Variants in ADAM19 observed in about 807,000 individuals in gnomAD.
ADAM19 encodes ADAM metallopeptidase domain 19, also known as disintegrin and metalloproteinase domain-containing protein 19.
In ADAM19, 65 loss-of-function variants were observed where a neutral mutation model predicts 114.7. The observed-to-expected ratio is 0.57, with a 90% CI of 0.46 to 0.70. The LOEUF (loss-of-function observed/expected upper bound fraction) is 0.70. Among genes scored for constraint, ADAM19 ranks in the 30% least tolerant of loss-of-function variants. ADAM19 has a pLI of 0.00. For missense variants in ADAM19, 1,063 were observed against 1,204.7 expected, an observed-to-expected ratio of 0.88 and a Z score of 1.74; for synonymous variants, 466 against 460.5, an observed-to-expected ratio of 1.01 and a Z score of -0.15.
Position 157,529,649 on chromosome 5 carries a change from C to A in ADAM19, c.407+1158G>T, listed in dbSNP as rs192603620. Among the ~76,000 whole-genome samples, 12 of 152,308 alleles carry A rather than the reference C, an allele frequency of 7.9e-5. No individual in the cohort carries two copies. In the East Asian group the frequency reaches 2.3e-3, roughly 29 times the overall value. ...GGAACACACCTAGAGAAGCAAAGTCCTAGGAGTTCACTGCATGCTGACAGT... is the reference window on the plus strand; with the variant it reads ...GGAACACACCTAGAGAAGCAAAGTCATAGGAGTTCACTGCATGCTGACAGT... On this transcript the variant is annotated intron_variant, in intron 5 of 22. Coordinates refer to ENST00000257527, the MANE Select transcript of ADAM19 (RefSeq NM_033274.5).
At chr5:157,570,736 G>C (rs1757796183) in intron 2 of ADAM19, 159 bp downstream of exon 2, 3 of 584,820 alleles carry the variant, frequency 5.1e-6, no homozygotes, top group Non-Finnish European at 9.1e-6. Flanking sequence ...TACAAGGAAG[G>C]AAAGTCCCAT....
chr5:157,571,539 G>A (rs1021671747), intron 1 of ADAM19, among the ~76,000 whole-genome samples: 3 of 152,180 alleles, frequency 2.0e-5, no homozygotes, highest in Non-Finnish European at 4.4e-5. Flanking sequence ...CAGAGACCAC[G>A]GAGAGTGTCT....
intron 2 of ADAM19, chr5:157,566,097 A>AATAATG (rs1757652715): frequency 7.0e-6 from 1 of 143,062 alleles, no homozygotes; most frequent in African/African-American, 2.8e-5. Context: ...CGACAGAGCG[A>AATAATG]GACTCTGTCT....
At chr5:157,555,633 T>C (rs1275744298) in intron 3 of ADAM19, among the ~76,000 whole-genome samples, 1 of 152,228 alleles carries the variant, frequency 6.6e-6, no homozygotes, top group Non-Finnish European at 1.5e-5. Flanking sequence ...TTGTACTAAG[T>C]GCATTGTCAT....
intron 8 of ADAM19, among the ~76,000 whole-genome samples, chr5:157,510,775 CAAATT>C (rs1175240631): frequency 6.6e-6 from 1 of 152,132 alleles, no homozygotes; most frequent in Non-Finnish European, 1.5e-5. Flanking sequence ...ATGGATATAC[CAAATT>C]ATATTAATAC....
At position 157,517,824 on chromosome 5, in the gene ADAM19, G is replaced by C. The variant is rs1231075940; in HGVS notation, c.666+999C>G. 2.6e-5 allele frequency among the ~76,000 whole-genome samples: 4 copies of C among 152,238 alleles called. No homozygotes were observed. In the East Asian group the frequency reaches 7.7e-4, roughly 29 times the overall value. On this transcript the variant is annotated intron_variant, in intron 7 of 22. Coordinates refer to ENST00000257527, the MANE Select transcript of ADAM19 (RefSeq NM_033274.5). ...GAACCTGTCTGATTTGAGGAACATG[G>C]AGTTAAAGGCTGAACTGCTATGCCT...
rs1188238426 is a variant in ADAM19 at position 157,477,665 on chromosome 5, A to G, written c.*3284T>C. ...CTTGGGTGTCCAGCAGAGCTGTTATACACGTGGTTAACACAATTACTGACT... is the reference window on the plus strand; with the variant it reads ...CTTGGGTGTCCAGCAGAGCTGTTATGCACGTGGTTAACACAATTACTGACT... On this transcript the variant is annotated 3_prime_UTR_variant, in exon 23 of 23. Transcript: ENST00000257527. The G allele has an allele frequency of 7.8e-7, 1 of 1,289,766 alleles. No individual in the cohort carries two copies. The highest frequency in any genetic ancestry group is 2.3e-5 in the Admixed American group (1 of 43,570). 79.9% of individuals were successfully genotyped at this position (1,289,766 alleles called of 1,614,324 possible). A position where few individuals can be genotyped will look rare whatever the true frequency, so the allele number is the denominator to read the frequency against.
At chr5:157,535,297 C>T (rs1756732139) in intron 4 of ADAM19, among the ~76,000 whole-genome samples, 2 of 152,244 alleles carry the variant, frequency 1.3e-5, no homozygotes, top group Non-Finnish European at 2.9e-5. Context: ...AACCGCCTGA[C>T]CTAGATGCAG....
intron 2 of ADAM19, chr5:157,570,620 G>A: frequency 2.9e-6 from 1 of 340,820 alleles, no homozygotes; most frequent in South Asian, 5.8e-5. Flanking sequence ...TCAAGACTAA[G>A]TGATTTCTGT....
chr5:157,533,980 A>G (rs1034635355), intron 4 of ADAM19, among the ~76,000 whole-genome samples: 4 of 151,944 alleles, frequency 2.6e-5, no homozygotes, highest in African/African-American at 9.7e-5. Flanking sequence ...AAAAAGAAAA[A>G]AGAAAGAACT....
At chr5:157,500,788 G>A (rs112107872) in intron 12 of ADAM19, among the ~76,000 whole-genome samples, 8 of 152,198 alleles carry the variant, frequency 5.3e-5, no homozygotes, top group African/African-American at 1.7e-4. Flanking sequence ...ATTATGAGGC[G>A]TTCCAGTGAC....
intron 4 of ADAM19, among the ~76,000 whole-genome samples, chr5:157,535,600 T>C (rs1353479105): frequency 2.0e-5 from 3 of 152,214 alleles, no homozygotes; most frequent in African/African-American, 7.2e-5. Context: ...CAACAAGACC[T>C]TCTGGAAGGA....
intron 4 of ADAM19, among the ~76,000 whole-genome samples, chr5:157,535,015 C>A (rs1756722632): frequency 1.3e-5 from 2 of 151,880 alleles, no homozygotes; most frequent in South Asian, 2.1e-4. Context: ...TACTTTTCCC[C>A]TTCTCCTCTC....
intron 14 of ADAM19, among the ~76,000 whole-genome samples, chr5:157,495,826 G>A (rs1581298577): frequency 6.6e-6 from 1 of 151,150 alleles, no homozygotes; most frequent in Non-Finnish European, 1.5e-5. Flanking sequence ...CAGTTACAGG[G>A]TTTCACCATG....
In ADAM19 at chr5:157,522,581, T is replaced by C. The variant is rs1026175188; in HGVS notation, c.408-2550A>G. Among the ~76,000 whole-genome samples, 4 of 151,856 alleles carry C rather than the reference T, an allele frequency of 2.6e-5. No individual in the cohort carries two copies. The East Asian group carries it at 7.7e-4, about 29-fold the overall frequency. ...CGGGTGGATTTCCTGAGCTTAGGAG[T>C]TGGAGACCAGCCTGGGCAATATGGT... On this transcript the variant is annotated intron_variant, in intron 5 of 22. Transcript: ENST00000257527.
At chr5:157,481,401 G>T in intron 22 of ADAM19, 1 of 606,552 alleles carries the variant, frequency 1.6e-6, no homozygotes, top group Non-Finnish European at 2.9e-6. Context: ...AGTGTACACA[G>T]CCTCCCGCAG....
chr5:157,505,769 C>G lies in ADAM19; in HGVS notation c.1030G>C (p.Ala344Pro). 1.2e-6 allele frequency: 2 copies of G among 1,613,964 alleles called. No homozygotes were observed. Among genetic ancestry groups the G allele is most frequent in the Non-Finnish European group, 1.7e-6 (2 of 1,179,952 alleles). The change falls in exon 11 of 23, where the codon GCC becomes CCC. Residue 344 changes from alanine (A) to proline (P), a missense_variant. By Grantham distance (27) the Ala-to-Pro change is conservative (BLOSUM62 -1). Around this residue, in one of 3 missense-constraint regions of ADAM19, gnomAD observed 615 missense variants for 706.3 expected, o/e 0.87. Transcript: ENST00000257527. ...CCAAAGTTGTGGCCCATCTCGTGGGCCATGGTGGCAGCCACGCCAATGGCA... is the reference window on the plus strand; with the variant it reads ...CCAAAGTTGTGGCCCATCTCGTGGGGCATGGTGGCAGCCACGCCAATGGCA... The part of the protein sequence containing the change: ...ENAIGVAATM[A>P]HEMGHNFGMT...
chr5:157,557,599 G>C (rs59713652), intron 3 of ADAM19, among the ~76,000 whole-genome samples: 2,225 of 152,186 alleles, frequency 0.015, 46 homozygotes, highest in African/African-American at 0.051. Context: ...GCATAACCTG[G>C]GTAGCAAATA....
chr5:157,534,233 C>T (rs1756702534), intron 4 of ADAM19, among the ~76,000 whole-genome samples: 5 of 152,040 alleles, frequency 3.3e-5, no homozygotes, highest in South Asian at 2.1e-4. Flanking sequence ...TTTGGGAGGC[C>T]GAGGCAGGCA....
Sources: gnomAD v4.1 joint callset for allele counts (sites outside exome capture counted in the v4.1 genomes callset) on GRCh38, gnomAD v4.1.1 for gene constraint, gnomAD v4.1.1 regional missense constraint, MANE v1.5 for transcripts, NCBI Gene and HGNC (gene_info 2026-07-23, HGNC 2026-07-21) for gene names.